The following GFRA1 variants were observed in gnomAD, a reference collection of about 807,000 sequenced individuals.
GFRA1 encodes the protein GDNF family receptor alpha-1.
Under a neutral mutation model 51.6 loss-of-function variants are expected in GFRA1, and 16 were observed. That is an observed-to-expected ratio of 0.31 (90% CI 0.21 to 0.47). The LOEUF is 0.47. Among genes scored for constraint, GFRA1 ranks in the 20% least tolerant of loss-of-function variants. The pLI, the probability that GFRA1 is intolerant of heterozygous loss-of-function variation, is 1.00. For synonymous variants in GFRA1, 270 were observed against 241.3 expected, an observed-to-expected ratio of 1.12 and a Z score of -1.10; for missense variants, 530 against 594.3, an observed-to-expected ratio of 0.89 and a Z score of 1.13.
chr10:116,166,960 C>T (rs767971078), intron 5 of GFRA1, among the ~76,000 whole-genome samples: 21 of 151,746 alleles, frequency 1.4e-4, no homozygotes, highest in South Asian at 2.1e-4. Context: ...CCTCCACACC[C>T]GGCTAATTTT....
intron 4 of GFRA1, among the ~76,000 whole-genome samples, chr10:116,233,969 A>G (rs1255357405): frequency 2.0e-5 from 3 of 152,176 alleles, no homozygotes; most frequent in Non-Finnish European, 4.4e-5. Context: ...GCTGCAAATC[A>G]ATTCACTTTT....
intron 5 of GFRA1, among the ~76,000 whole-genome samples, chr10:116,136,147 G>A (rs1477393047): frequency 6.6e-6 from 1 of 152,176 alleles, no homozygotes; most frequent in African/African-American, 2.4e-5. Flanking sequence ...TTCACAATGA[G>A]ATCTACAAAC....
chr10:116,255,622 G>A, intron 4 of GFRA1: 2 of 1,280,330 alleles, frequency 1.6e-6, no homozygotes, highest in Non-Finnish European at 2.0e-6. Flanking sequence ...TTCCACTGAT[G>A]TGTTAGCTCA....
At chr10:116,158,617 G>A (rs1189842843) in intron 5 of GFRA1, among the ~76,000 whole-genome samples, 2 of 152,222 alleles carry the variant, frequency 1.3e-5, no homozygotes, top group African/African-American at 4.8e-5. Flanking sequence ...GAAAAAGCCA[G>A]CAGTGCTGGG....
chr10:116,196,178 C>A, intron 5 of GFRA1, among the ~76,000 whole-genome samples: 1 of 136,130 alleles, frequency 7.3e-6, no homozygotes, highest in African/African-American at 2.9e-5. Context: ...AACAAATTTA[C>A]AAATTTGATG....
chr10:116,249,448 T>C (rs1418770074), intron 4 of GFRA1, among the ~76,000 whole-genome samples: 1 of 152,298 alleles, frequency 6.6e-6, no homozygotes, highest in East Asian at 1.9e-4. Context: ...AACAGCAATT[T>C]GCCAGAATCC....
At chr10:116,191,025 G>A (rs1362940655) in intron 5 of GFRA1, among the ~76,000 whole-genome samples, 2 of 152,220 alleles carry the variant, frequency 1.3e-5, no homozygotes, top group Non-Finnish European at 2.9e-5. Context: ...GGGTTCCCAT[G>A]GAGAAAAGGG....
intron 5 of GFRA1, among the ~76,000 whole-genome samples, chr10:116,134,278 G>C (rs1958227496): frequency 6.6e-6 from 1 of 152,082 alleles, no homozygotes; most frequent in Non-Finnish European, 1.5e-5. Context: ...TTTTCTTTCT[G>C]ACTTGATTAA....
chr10:116,103,383 C>T (rs1286064836), intron 6 of GFRA1, among the ~76,000 whole-genome samples: 1 of 152,180 alleles, frequency 6.6e-6, no homozygotes, highest in African/African-American at 2.4e-5. Flanking sequence ...GAGAAACATA[C>T]ACTGTGTCTT....
At chr10:116,152,384 T>C (rs1180698832) in intron 5 of GFRA1, among the ~76,000 whole-genome samples, 1 of 152,096 alleles carries the variant, frequency 6.6e-6, no homozygotes, top group African/African-American at 2.4e-5. Flanking sequence ...TGTGTTGCTA[T>C]AAAGAAGTAC....
rs149178130 is a variant in GFRA1 at position 116,089,757 on chromosome 10, G to A, written c.1181C>T (p.Pro394Leu). ...ENEIPTHVLP[P>L]CANLQAQKLK... The stretch of plus-strand genomic sequence containing the variant: ...AGTTCTCACCTGTAAATTTGCACAC[G>A]GTGGCAAAACATGAGTGGGAATTTC... Residue 394 changes from proline (P) to leucine (L), a missense_variant, in exon 9 of 11, where the codon CCG becomes CTG. Pro to Leu is a moderately conservative substitution (Grantham distance 98, BLOSUM62 -3). Coordinates refer to ENST00000355422, the MANE Select transcript of GFRA1 (RefSeq NM_005264.8). 51 of 1,613,918 alleles carry A rather than the reference G, an allele frequency of 3.2e-5. No individual in the cohort carries two copies. The highest frequency in any genetic ancestry group is 6.7e-5 in the African/African-American group (5 of 74,896).
At chr10:116,148,082 G>GTGTCCATGCA (rs1958903825) in intron 5 of GFRA1, among the ~76,000 whole-genome samples, 2 of 129,376 alleles carry the variant, frequency 1.5e-5, no homozygotes, top group Non-Finnish European at 3.4e-5. Flanking sequence ...GTGCATGTGT[G>GTGTCCATGCA]TGTGTGCATG....
chr10:116,132,561 T>C (rs991358835), intron 5 of GFRA1, among the ~76,000 whole-genome samples: 1 of 152,146 alleles, frequency 6.6e-6, no homozygotes, highest in African/African-American at 2.4e-5. Flanking sequence ...AAATCACTCT[T>C]GGCCCCTCCC....
intron 5 of GFRA1, among the ~76,000 whole-genome samples, chr10:116,171,395 G>C (rs1339583765): frequency 6.6e-6 from 1 of 152,164 alleles, no homozygotes; most frequent in East Asian, 1.9e-4. Context: ...GCTTGGTAAT[G>C]ACAAGACCCA....
intron 5 of GFRA1, among the ~76,000 whole-genome samples, chr10:116,200,617 C>T (rs1210806030): frequency 2.0e-5 from 3 of 152,210 alleles, no homozygotes; most frequent in African/African-American, 4.8e-5. Context: ...CTGGTGCCAA[C>T]GGGGTGGGGA....
chr10:116,221,129 C>T (rs1362509517), intron 4 of GFRA1, among the ~76,000 whole-genome samples: 6 of 152,160 alleles, frequency 3.9e-5, no homozygotes, highest in Admixed American at 3.9e-4. Flanking sequence ...AAATACTTTA[C>T]ATAGACTGCC....
chr10:116,270,758 G>C (rs1843842088), intron 3 of GFRA1, 64 bp downstream of exon 3: 1 of 1,394,078 alleles, frequency 7.2e-7, no homozygotes, highest in African/African-American at 1.4e-5. Flanking sequence ...GCTGGCCCAG[G>C]GACGAAAGGC....
chr10:116,082,684 G>A (rs1441596766), intron 9 of GFRA1, among the ~76,000 whole-genome samples: 2 of 152,050 alleles, frequency 1.3e-5, no homozygotes, highest in African/African-American at 2.4e-5. Flanking sequence ...TCTCCATGTT[G>A]GTCAGGCAGG....
In GFRA1 at chr10:116,057,384, T is replaced by C. The variant is rs1954592861; in HGVS notation, c.*7014A>G. ...CTCACTCAGGAATGAATTCTAAAAA[T>C]ACCCTAAAAATCAGAAGCCGCCTTC... On this transcript the variant is annotated 3_prime_UTR_variant, in exon 11 of 11. Transcript: ENST00000355422. The C allele has an allele frequency of 6.6e-6, 1 of 151,970 alleles. No individual in the cohort carries two copies. The highest frequency in any genetic ancestry group is 6.6e-5 in the Admixed American group (1 of 15,260). The allele number at this position is 151,970 out of a possible 1,614,324, so 9.4% of individuals were successfully genotyped here.
Sources: gnomAD v4.1 joint callset for allele counts (sites outside exome capture counted in the v4.1 genomes callset) on GRCh38, gnomAD v4.1.1 for gene constraint, MANE v1.5 for transcripts, NCBI Gene and HGNC (gene_info 2026-07-23, HGNC 2026-07-21) for gene names.